Variants in ZNF318 observed in about 807,000 individuals in gnomAD.
ZNF318 encodes zinc finger protein 318.
A neutral mutation model predicts 124.2 loss-of-function variants in ZNF318; 51 were observed. That is an observed-to-expected ratio of 0.41 (90% CI 0.33 to 0.52). The LOEUF (loss-of-function observed/expected upper bound fraction) is 0.52, where lower values mean the gene tolerates loss of function less well. Among genes scored for constraint, ZNF318 ranks in the 20% least tolerant of loss-of-function variants. The probability of loss-of-function intolerance (pLI) is 0.23; values close to 1 mark genes in which losing one functional copy is unlikely to be tolerated. For missense variants in ZNF318, 2,815 were observed against 2,811.2 expected (o/e 1.00, Z -0.03); for synonymous variants, 1,090 against 1,040.7 (o/e 1.05, Z -0.91).
Position 43,338,456 on chromosome 6 carries a change from G to A in ZNF318, c.5542C>T (p.Pro1848Ser). ...SNKLMTGSET[P>S]SKVVIKLSPQ... ...CTCAATTTGATCACTACTTTACTTG[G>A]AGTTTCACTTCCTGTCATCAATTTA... Residue 1848 changes from proline (P) to serine (S), a missense_variant, in exon 10 of 10, where the codon CCA becomes TCA. This residue lies in a region of ZNF318 where 927 missense variants were observed against 820.6 expected (regional missense o/e 1.13). Coordinates refer to ENST00000361428, the MANE Select transcript of ZNF318 (RefSeq NM_014345.3). 6.2e-7 allele frequency: 1 copy of A among 1,614,132 alleles called. No individual in the cohort carries two copies. Among genetic ancestry groups the A allele is most frequent in the Non-Finnish European group, 8.5e-7 (1 of 1,180,028 alleles).
rs1779587025 is a variant in ZNF318, at chr6:43,355,228, AG to A, written c.2105del (p.Pro702LeufsTer12). On this transcript the variant is annotated frameshift_variant, in exon 4 of 10. Coordinates refer to ENST00000361428, the MANE Select transcript of ZNF318 (RefSeq NM_014345.3). LOFTEE classifies it high-confidence loss of function. Reference protein sequence around the residue: ...SHPHPPSPVDPYLLTKNSPPF... With the variant: ...SHPHPPSPVDXYLLTKNSPPF... ...GAGGGCTGTTTTTTGTGAGCAGGTA[AG>A]GATCCACAGGAGAAGGTGGGTGTGG... The A allele has an allele frequency of 6.2e-7, 1 of 1,614,096 alleles. No individual in the cohort carries two copies.
In ZNF318 at chr6:43,355,826, T is replaced by A; in HGVS notation, c.1508A>T (p.Asp503Val). The change falls in exon 4 of 10, where the codon GAT (aspartate) becomes GTT (valine). Residue 503 changes from aspartate (D) to valine (V), a missense_variant. Coordinates refer to ENST00000361428, the MANE Select transcript of ZNF318 (RefSeq NM_014345.3). ...FLLPHERASQ[D>V]GSGFSRILSM... ...CAGAATGCGGGAAAAACCACTGCCA[T>A]CCTGGCTAGCTCTCTCATGGGGCAG... is the stretch of plus-strand genomic sequence containing the variant. 6.2e-7 allele frequency: 1 copy of A among 1,614,234 alleles called. No individual in the cohort carries two copies. The highest frequency in any genetic ancestry group is 1.1e-5 in the South Asian group (1 of 91,088).
chr6:43,348,823 A>G (rs1377102996), intron 5 of ZNF318, among the ~76,000 whole-genome samples, 198 bp from the exon 6 acceptor site: 1 of 152,282 alleles, frequency 6.6e-6, no homozygotes, highest in Non-Finnish European at 1.5e-5. Context: ...ACTTGAGTTC[A>G]GGTGCTCGAG....
At position 43,355,656 on chromosome 6, in the gene ZNF318, T is replaced by C; in HGVS notation, c.1678A>G (p.Ser560Gly). Residue 560 changes from serine (S) to glycine (G), a missense_variant, in exon 4 of 10, where the codon AGT becomes GGT. By Grantham distance (56) the Ser-to-Gly change is moderately conservative. Coordinates refer to ENST00000361428, the MANE Select transcript of ZNF318 (RefSeq NM_014345.3). Reference sequence around the variant, plus strand: ...CTTGCCTTCTGCCTCATAACTTCACTCTCAGAGCTCCCAAGGGGCTTTGGT... The same window carrying C: ...CTTGCCTTCTGCCTCATAACTTCACCCTCAGAGCTCCCAAGGGGCTTTGGT... ...SVPKPLGSSESEVMRQKASSL... is the reference protein window; with the variant it reads ...SVPKPLGSSEGEVMRQKASSL... 6.2e-7 allele frequency: 1 copy of C among 1,614,188 alleles called. No homozygotes were observed. The highest frequency in any genetic ancestry group is 8.5e-7 in the Non-Finnish European group (1 of 1,180,024).
At chr6:43,354,577 C>A in intron 4 of ZNF318, 87 bp downstream of exon 4, 2 of 1,298,346 alleles carry the variant, frequency 1.5e-6, no homozygotes, top group Non-Finnish European at 2.1e-6. Flanking sequence ...AAGAGCCTTA[C>A]AAATTTTCAG....
intron 6 of ZNF318, among the ~76,000 whole-genome samples, chr6:43,343,183 G>A (rs574002899): frequency 6.6e-6 from 1 of 152,310 alleles, no homozygotes; most frequent in East Asian, 1.9e-4. Flanking sequence ...CTCTGGGGAA[G>A]GGAAGTGGAG....
intron 3 of ZNF318, 47 bp downstream of exon 3, chr6:43,357,079 A>G (rs1779618866): frequency 1.9e-6 from 3 of 1,558,572 alleles, no homozygotes; most frequent in Non-Finnish European, 1.7e-6. Context: ...AGGCTTTAAG[A>G]TATTAGGGAG....
Position 43,357,692 on chromosome 6 carries a change from G to A in ZNF318, c.622C>T (p.Gln208Ter). ...CSRGLERYIS[Q>*]EEGPLSPFLG... ...AAGGGACTGAGAGGCCCTTCCTCCT[G>A]GGAAATATATCGCTCAAGACCCCGA... is the stretch of plus-strand genomic sequence containing the variant. The change falls in exon 3 of 10, where the codon CAG (glutamine) becomes TAG (stop). Residue 208 changes from glutamine to a stop codon, truncating the protein, a stop_gained. Coordinates refer to ENST00000361428, the MANE Select transcript of ZNF318 (RefSeq NM_014345.3). LOFTEE classifies it high-confidence loss of function. 6.2e-7 allele frequency: 1 copy of A among 1,612,402 alleles called. No individual in the cohort carries two copies. The highest frequency in any genetic ancestry group is 8.5e-7 in the Non-Finnish European group (1 of 1,179,988).
chr6:43,353,874 A>G (rs958270358), intron 4 of ZNF318, among the ~76,000 whole-genome samples: 10 of 152,180 alleles, frequency 6.6e-5, no homozygotes, highest in African/African-American at 2.2e-4. Flanking sequence ...TAGAATTATT[A>G]TATCTTTACC....
At chr6:43,345,417 C>T (rs952176624) in intron 6 of ZNF318, among the ~76,000 whole-genome samples, 1 of 152,070 alleles carries the variant, frequency 6.6e-6, no homozygotes, top group African/African-American at 2.4e-5. Flanking sequence ...GAAAGAAAGG[C>T]TGTGGACATA....
Position 43,339,635 on chromosome 6 carries a change from G to A in ZNF318, c.4363C>T (p.Pro1455Ser). 5.6e-6 allele frequency: 9 copies of A among 1,610,570 alleles called. No individual in the cohort carries two copies. Among genetic ancestry groups the A allele is most frequent in the African/African-American group, 1.3e-5 (1 of 74,620 alleles). The change falls in exon 10 of 10, where the codon CCC becomes TCC. Residue 1455 changes from proline (P) to serine (S), a missense_variant. Pro to Ser is a moderately conservative substitution (Grantham distance 74). Around this residue, in one of 4 missense-constraint regions of ZNF318, gnomAD observed 500 missense variants for 605.2 expected, o/e 0.83. Coordinates refer to ENST00000361428, the MANE Select transcript of ZNF318 (RefSeq NM_014345.3). The surrounding 1 kb of genome is among the most constrained non-coding windows in gnomAD (Gnocchi z 4.2). ...PPPPPPPPPPPPVIPHPAAPS... is the reference protein window; with the variant it reads ...PPPPPPPPPPSPVIPHPAAPS... ...GCAGCTGGATGAGGTATAACGGGGG[G>A]TGGTGGAGGTGGTGGAGGTGGGGGT...
Position 43,352,306 on chromosome 6 carries a change from T to C in ZNF318, c.2770+71A>G, listed in dbSNP as rs948301756. On this transcript the variant is annotated intron_variant, in intron 5 of 9. Coordinates refer to ENST00000361428, the MANE Select transcript of ZNF318 (RefSeq NM_014345.3). Reference sequence around the variant, plus strand: ...ATGAAGTTTCAGGTTACTGAACCTGTGTGAGAGTACCAAATTTGGGTCTCC... The same window carrying C: ...ATGAAGTTTCAGGTTACTGAACCTGCGTGAGAGTACCAAATTTGGGTCTCC... The C allele has an allele frequency of 3.1e-6, 4 of 1,306,106 alleles. No individual in the cohort carries two copies. In the African/African-American group the frequency reaches 5.8e-5, roughly 19 times the overall value. The allele number at this position is 1,306,106 out of a possible 1,614,324, so 80.9% of individuals were successfully genotyped here.
At chr6:43,356,403 G>A (rs976504499) in intron 3 of ZNF318, among the ~76,000 whole-genome samples, 6 of 152,046 alleles carry the variant, frequency 3.9e-5, no homozygotes, top group African/African-American at 7.2e-5. Flanking sequence ...AAAGGAATTT[G>A]AATTCAAAAG....
intron 7 of ZNF318, among the ~76,000 whole-genome samples, chr6:43,342,444 CAA>C (rs1044493090): frequency 3.3e-5 from 5 of 151,296 alleles, no homozygotes; most frequent in African/African-American, 9.7e-5. Context: ...CTCAAGGAAT[CAA>C]AAGAGGCAGA....
chr6:43,355,387 G>A lies in ZNF318; in HGVS notation c.1947C>T (p.Asp649=). Residue 649 remains aspartate, a synonymous_variant, in exon 4 of 10, where the codon GAC becomes GAT. Coordinates refer to ENST00000361428, the MANE Select transcript of ZNF318 (RefSeq NM_014345.3). ...AACAGCGGTCAGCTGAGAAGCGGTGGTCAACTGAGGAACAGTGGTCAGCTG... is the reference window on the plus strand; with the variant it reads ...AACAGCGGTCAGCTGAGAAGCGGTGATCAACTGAGGAACAGTGGTCAGCTG... ...YFSADHCSSV[D]HRFSADRCSS... 1.9e-6 allele frequency: 3 copies of A among 1,614,148 alleles called. No individual in the cohort carries two copies. Among genetic ancestry groups the A allele is most frequent in the South Asian group, 2.2e-5 (2 of 91,076 alleles).
At chr6:43,342,040 ATGTT>A in intron 8 of ZNF318, 68 bp downstream of exon 8, 1 of 1,322,708 alleles carries the variant, frequency 7.6e-7, no homozygotes, top group Non-Finnish European at 1.1e-6. Context: ...GCTTCCTACA[ATGTT>A]AGTTCAGGGA....
At chr6:43,368,657 A>T (rs9394950) in intron 1 of ZNF318, 2 of 985,286 alleles carry the variant, frequency 2.0e-6, no homozygotes, top group African/African-American at 3.5e-5. Flanking sequence ...AAGTACCAAG[A>T]CACACGGTTT....
chr6:43,354,006 CA>C (rs1449379221), intron 4 of ZNF318, among the ~76,000 whole-genome samples: 2 of 151,940 alleles, frequency 1.3e-5, no homozygotes, highest in Admixed American at 6.6e-5. Context: ...GAGAGGCTGG[CA>C]GGGGAGGATC....
intron 3 of ZNF318, 43 bp from the exon 4 acceptor site, chr6:43,356,188 C>T: frequency 6.4e-7 from 1 of 1,559,680 alleles, no homozygotes; most frequent in Non-Finnish European, 8.6e-7. Flanking sequence ...TGCAGAATCT[C>T]AGAACATTAG....
Sources: gnomAD v4.1 joint callset for allele counts (sites outside exome capture counted in the v4.1 genomes callset) on GRCh38, gnomAD v4.1.1 for gene constraint, gnomAD v4.1.1 regional missense constraint, Gnocchi (gnomAD v3.1) non-coding constraint, MANE v1.5 for transcripts, NCBI Gene and HGNC (gene_info 2026-07-23, HGNC 2026-07-21) for gene names.